Variants in MTA3 observed in about 807,000 individuals in gnomAD.
The protein encoded by MTA3 is metastasis-associated protein MTA3.
MTA3 carries 34 observed loss-of-function variants against 83.5 expected under a neutral mutation model. That is an observed-to-expected ratio of 0.41 (90% CI 0.31 to 0.54). The LOEUF (loss-of-function observed/expected upper bound fraction) is 0.54. MTA3 is among the 20% of genes least tolerant of loss of function. The pLI is 0.33. For missense variants in MTA3, 761 were observed against 726.4 expected, an observed-to-expected ratio of 1.05 and a Z score of -0.55; for synonymous variants, 303 against 252.7, an observed-to-expected ratio of 1.20 and a Z score of -1.89.
chr2:42,634,477 A>G (rs1188131393), intron 4 of MTA3, among the ~76,000 whole-genome samples: 1 of 152,132 alleles, frequency 6.6e-6, no homozygotes, highest in East Asian at 1.9e-4. Context: ...AGAAGGAGGA[A>G]CTGTCAAACA....
intron 8 of MTA3, among the ~76,000 whole-genome samples, chr2:42,666,378 G>C (rs1440510653): frequency 6.6e-6 from 1 of 152,170 alleles, no homozygotes; most frequent in African/African-American, 2.4e-5. Flanking sequence ...TTAAAACTTA[G>C]ATCATTACTG....
intron 2 of MTA3, among the ~76,000 whole-genome samples, chr2:42,578,104 C>A (rs1679246831): frequency 6.6e-6 from 1 of 152,158 alleles, no homozygotes; most frequent in South Asian, 2.1e-4. Flanking sequence ...ATAAAATTGA[C>A]AAATTTACTG....
At chr2:42,563,831 CCTTT>C (rs1420867144), upstream of MTA3, among the ~76,000 whole-genome samples, 13 of 134,642 alleles carry the variant, frequency 9.7e-5, no homozygotes, top group East Asian at 6.8e-4. Context: ...TTCCTTCCTT[CCTTT>C]CTTTTTTGAT....
At chr2:42,655,747 C>T (rs952016889) in intron 6 of MTA3, among the ~76,000 whole-genome samples, 4 of 152,112 alleles carry the variant, frequency 2.6e-5, no homozygotes, top group Non-Finnish European at 4.4e-5. Context: ...GGATTACAGG[C>T]GCCTGCTACC....
Position 42,756,159 on chromosome 2 carries a change from G to C in MTA3, c.*2760G>C. The stretch of plus-strand genomic sequence containing the variant: ...CAACAGCAAGCCGCCCCCATCCTGA[G>C]ACTGGCTGGGCACCAGGGGAGGACG... On this transcript the variant is annotated 3_prime_UTR_variant, in exon 17 of 17. Coordinates refer to ENST00000405094, the MANE Select transcript of MTA3 (RefSeq NM_001330442.2). 1 of 391,748 alleles carries C rather than the reference G, an allele frequency of 2.6e-6. No individual in the cohort carries two copies. Among genetic ancestry groups the C allele is most frequent in the Non-Finnish European group, 3.5e-6 (1 of 287,016 alleles). The allele number at this position is 391,748 out of a possible 1,614,324, so 24.3% of individuals were successfully genotyped here.
chr2:42,616,583 T>C (rs1684924413), intron 4 of MTA3, among the ~76,000 whole-genome samples: 1 of 129,682 alleles, frequency 7.7e-6, no homozygotes, highest in Non-Finnish European at 1.6e-5. Context: ...TTTTTTTTTT[T>C]TTTTTTTTTT....
intron 9 of MTA3, among the ~76,000 whole-genome samples, chr2:42,685,039 A>G (rs1261442098): frequency 2.0e-5 from 3 of 152,208 alleles, no homozygotes; most frequent in African/African-American, 7.2e-5. Context: ...AGGTAAAGAG[A>G]GAAAAGAGCA....
At chr2:42,666,847 T>G (rs1690274338) in intron 8 of MTA3, among the ~76,000 whole-genome samples, 1 of 152,210 alleles carries the variant, frequency 6.6e-6, no homozygotes, top group African/African-American at 2.4e-5. Flanking sequence ...GTAAATTAGC[T>G]TCTTTCTCTG....
chr2:42,618,375 G>C (rs961918234), intron 4 of MTA3, among the ~76,000 whole-genome samples: 1 of 152,232 alleles, frequency 6.6e-6, no homozygotes, highest in Middle Eastern at 3.4e-3. Flanking sequence ...AATCCTTCAA[G>C]AATTCTGTCA....
intron 2 of MTA3, among the ~76,000 whole-genome samples, chr2:42,555,311 C>T (rs373029660): frequency 6.8e-6 from 1 of 147,190 alleles, no homozygotes; most frequent in Admixed American, 6.8e-5. Context: ...AAAAATTAGC[C>T]GGGCATGGTG....
chr2:42,636,385 T>TA (rs1277801205), intron 4 of MTA3, among the ~76,000 whole-genome samples: 1 of 151,510 alleles, frequency 6.6e-6, no homozygotes, highest in East Asian at 2.0e-4. Flanking sequence ...ACAAAGAATT[T>TA]AAAAAAAATT....
intron 4 of MTA3, among the ~76,000 whole-genome samples, chr2:42,626,082 A>G (rs1235328644): frequency 6.7e-6 from 1 of 149,286 alleles, no homozygotes; most frequent in South Asian, 2.1e-4. Flanking sequence ...AGCTGGGACT[A>G]CAGGCGCCTG....
chr2:42,616,371 G>T (rs1189041831), intron 4 of MTA3, among the ~76,000 whole-genome samples: 5 of 149,532 alleles, frequency 3.3e-5, no homozygotes, highest in Non-Finnish European at 7.4e-5. Flanking sequence ...GGCCTAGGTG[G>T]TTCTATTTAG....
intron 3 of MTA3, among the ~76,000 whole-genome samples, chr2:42,579,433 T>A (rs1029653503): frequency 8.3e-5 from 12 of 143,780 alleles, no homozygotes; most frequent in Admixed American, 1.4e-4. Flanking sequence ...ATATATATTT[T>A]TTTTTTTTTC....
intron 16 of MTA3, 115 bp from the exon 17 acceptor site, chr2:42,753,259 G>A (rs1289085618): frequency 4.1e-5 from 63 of 1,522,510 alleles, no homozygotes; most frequent in Non-Finnish European, 5.5e-5. Context: ...ACCTACTGCT[G>A]AGCCTCCTTT....
Position 42,667,548 on chromosome 2 carries a change from C to T in MTA3, c.702+7686C>T, listed in dbSNP as rs149138513. On this transcript the variant is annotated intron_variant, in intron 8 of 16. Coordinates refer to ENST00000405094, the MANE Select transcript of MTA3 (RefSeq NM_001330442.2). ...GGTTCATTAATGTTGTACCATGTGT[C>T]AGAATTTCCATCATTTAAAAATTGT... 5.4e-5 allele frequency among the ~76,000 whole-genome samples: 5 copies of T among 92,336 alleles called. No homozygotes were observed. In the East Asian group the frequency reaches 1.1e-3, roughly 21 times the overall value. The allele number at this position is 92,336 out of a possible 152,430, so 60.6% of individuals were successfully genotyped here.
At chr2:42,624,186 G>A (rs997942189) in intron 4 of MTA3, among the ~76,000 whole-genome samples, 1 of 151,702 alleles carries the variant, frequency 6.6e-6, no homozygotes, top group African/African-American at 2.4e-5. Context: ...TCTTTGTTTA[G>A]TATTTGATTT....
intron 16 of MTA3, among the ~76,000 whole-genome samples, chr2:42,748,131 C>A (rs1048695459): frequency 2.0e-5 from 3 of 151,916 alleles, no homozygotes; most frequent in Non-Finnish European, 4.4e-5. Context: ...TGGGTTCAAG[C>A]GATTCCCCTG....
At chr2:42,646,584 G>T (rs371038907) in intron 6 of MTA3, among the ~76,000 whole-genome samples, 1 of 152,228 alleles carries the variant, frequency 6.6e-6, no homozygotes, top group Non-Finnish European at 1.5e-5. Flanking sequence ...AGTGGTGGAA[G>T]TAACTGTAGT....
Sources: allele counts gnomAD v4.1 joint callset (sites outside exome capture counted in the v4.1 genomes callset), GRCh38; gene constraint gnomAD v4.1.1; transcripts MANE v1.5; gene names NCBI Gene and HGNC (gene_info 2026-07-23, HGNC 2026-07-21).